The following PKD1 variants were observed in gnomAD, a reference collection of about 807,000 sequenced individuals.
The protein encoded by PKD1 is polycystin 1, transient receptor potential channel interacting.
Under a neutral mutation model 361.7 loss-of-function variants are expected in PKD1, and 81 were observed. The ratio of observed to expected loss-of-function variants is 0.22; its 90% CI spans 0.19 to 0.27. The LOEUF (loss-of-function observed/expected upper bound fraction) is 0.27, where lower values mean the gene tolerates loss of function less well. Among genes scored for constraint, PKD1 ranks in the 10% least tolerant of loss-of-function variants. PKD1 has a pLI of 1.00. For missense variants in PKD1, 6,399 were observed against 6,118.3 expected (o/e 1.05, Z -1.53); for synonymous variants, 3,615 against 2,818.3 (o/e 1.28, Z -8.95).
chr16:2,096,243 G>A (rs1462727277), intron 34 of PKD1, among the ~76,000 whole-genome samples: 2 of 152,272 alleles, frequency 1.3e-5, no homozygotes, highest in African/African-American at 4.8e-5. Flanking sequence ...TGCAGGCCCT[G>A]TGGTGTGGCC....
In PKD1 at chr16:2,102,803, G is replaced by C; in HGVS notation, c.8948+11C>G. 1.9e-6 allele frequency: 3 copies of C among 1,609,770 alleles called. No homozygotes were observed. Among genetic ancestry groups the C allele is most frequent in the African/African-American group, 1.3e-5 (1 of 74,912 alleles). ...CTGCCCTGCCCTGCCAGGCTGGCCC[G>C]CAGAGCTCACCCCGGGGAAATGAAG... On this transcript the variant is annotated intron_variant, in intron 24 of 45. Transcript: ENST00000262304.
rs1227829829 is a variant in PKD1 at position 2,104,656 on chromosome 16, G to A, written c.8017-14C>T. The A allele has an allele frequency of 1.4e-6, 2 of 1,445,504 alleles. No homozygotes were observed. Among genetic ancestry groups the A allele is most frequent in the Non-Finnish European group, 1.9e-6 (2 of 1,052,640 alleles). The allele number at this position is 1,445,504 out of a possible 1,614,324, so 89.5% of individuals were successfully genotyped here. A position where few individuals can be genotyped will look rare whatever the true frequency, so the allele number is the denominator to read the frequency against. On this transcript the variant is annotated splice_polypyrimidine_tract_variant and intron_variant, in intron 21 of 45. Transcript: ENST00000262304. ...CCTGCTGGGCCCCTGTGTGGAGCCA[G>A]CAGTGTCCAGCCCCGCTCCTGGCCC...
chr16:2,113,500 G>A (rs1174091429), intron 11 of PKD1, among the ~76,000 whole-genome samples: 12 of 152,228 alleles, frequency 7.9e-5, no homozygotes, highest in African/African-American at 1.9e-4. Context: ...TACTACTAAT[G>A]CCTCAACCTC....
Position 2,102,599 on chromosome 16 carries a change from G to C in PKD1, c.8983C>G (p.Leu2995Val), listed in dbSNP as rs767714125. Residue 2995 changes from leucine to valine, a missense_variant, in exon 25 of 46, where the codon CTC (leucine) becomes GTC (valine). Transcript: ENST00000262304. ...RDPAGSYHLN[L>V]SSHFRWSALQ... The stretch of plus-strand genomic sequence containing the variant: ...GCCGACCAGCGGAAGTGGCTGGAGA[G>C]GTTCAGATGGTAACTCCCCGCTGGG... 5 of 1,611,230 alleles carry C rather than the reference G, an allele frequency of 3.1e-6. No homozygotes were observed. Among genetic ancestry groups the C allele is most frequent in the Middle Eastern group, 2.0e-4 (1 of 4,940 alleles).
chr16:2,094,652 TATGA>T (rs1486348360), intron 34 of PKD1: 1 of 241,652 alleles, frequency 4.1e-6, no homozygotes, highest in African/African-American at 2.3e-5. Context: ...CAAGGAAACA[TATGA>T]ATGCCTTTCA....
chr16:2,110,957 C>T lies in PKD1; in HGVS notation c.4210G>A (p.Ala1404Thr), dbSNP rs762710953. 12 of 1,610,628 alleles carry T rather than the reference C, an allele frequency of 7.5e-6. No individual in the cohort carries two copies. Among genetic ancestry groups the T allele is most frequent in the East Asian group, 2.2e-5 (1 of 44,898 alleles). Residue 1404 changes from alanine to threonine, a missense_variant, in exon 15 of 46, where the codon GCC (alanine) becomes ACC (threonine). Ala to Thr is a moderately conservative substitution (Grantham distance 58, BLOSUM62 0). Coordinates refer to ENST00000262304, the MANE Select transcript of PKD1 (RefSeq NM_001009944.3). Reference sequence around the variant, plus strand: ...TAGCGGTAGGGGAACGGGGGCCAGGCACATGCCACCAGCCAGGCCTCGTCC... The same window carrying T: ...TAGCGGTAGGGGAACGGGGGCCAGGTACATGCCACCAGCCAGGCCTCGTCC... ...LGDEAWLVAC[A>T]WPPFPYRYTW...
Position 2,117,885 on chromosome 16 carries a change from A to C in PKD1, c.1107T>G (p.Ser369Arg). Residue 369 changes from serine to arginine, a missense_variant, in exon 5 of 46, where the codon AGT becomes AGG. Coordinates refer to ENST00000262304, the MANE Select transcript of PKD1 (RefSeq NM_001009944.3). The stretch of plus-strand genomic sequence containing the variant: ...GGATGCTGAGGTCGAGGCTCTCGTC[A>C]CTCTGCACCGAGGACGGGCACACGA... ...LELVCPSSVQ[S>R]DESLDLSIQN... 8.5e-7 allele frequency: 1 copy of C among 1,179,514 alleles called. No homozygotes were observed. Among genetic ancestry groups the C allele is most frequent in the Non-Finnish European group, 1.2e-6 (1 of 822,980 alleles). The allele number at this position is 1,179,514 out of a possible 1,614,324, so 73.1% of individuals were successfully genotyped here.
At chr16:2,093,313 G>C (rs2091686472) in intron 37 of PKD1, 1 of 672,806 alleles carries the variant, frequency 1.5e-6, no homozygotes, top group African/African-American at 1.8e-5. Flanking sequence ...TGGTGCTTAG[G>C]GGCCTTCAGG....
intron 1 of PKD1, among the ~76,000 whole-genome samples, chr16:2,124,201 C>T (rs929866351): frequency 2.0e-5 from 3 of 152,222 alleles, no homozygotes; most frequent in Non-Finnish European, 2.9e-5. Context: ...GGTGGGGCCA[C>T]GTCCCAGGGC....
Position 2,097,155 on chromosome 16 carries a change from T to C in PKD1, c.10492A>G (p.Ser3498Gly). The change falls in exon 34 of 46, where the codon AGC becomes GGC. Residue 3498 changes from serine (S) to glycine (G), a missense_variant. Coordinates refer to ENST00000262304, the MANE Select transcript of PKD1 (RefSeq NM_001009944.3). ...CGAGAGCCGGACACTCACAGGCTGC[T>C]GAGCAGGTCCGTTTCCATGTGGGTG... ...QDTHMETDLL[S>G]SLSSTPGEKT... 6.5e-7 allele frequency: 1 copy of C among 1,542,612 alleles called. No individual in the cohort carries two copies. Among genetic ancestry groups the C allele is most frequent in the Non-Finnish European group, 8.8e-7 (1 of 1,142,234 alleles).
rs766731155 is a variant in PKD1, at chr16:2,089,970, G to A, written c.12669C>T (p.Leu4223=). ...CCTGGTTGAGTCGGTCAAACTGGGT[G>A]AGCAGGGCCTCGAACACGGCTTGGA... ...SRLQAVFEAL[L]TQFDRLNQAT... is the part of the protein sequence containing the mutation. Residue 4223 remains leucine, a synonymous_variant, in exon 46 of 46, where the codon CTC becomes CTT. Transcript: ENST00000262304. 6.2e-7 allele frequency: 1 copy of A among 1,612,146 alleles called. No individual in the cohort carries two copies. The highest frequency in any genetic ancestry group is 8.5e-7 in the Non-Finnish European group (1 of 1,179,722).
Position 2,088,720 on chromosome 16 carries a change from A to G in PKD1, c.*1007T>C. ...ATAGAGGCACAGATTGCAGTCAGAC[A>G]GCTCTTTTATTGACTTTGTCTGCTT... On this transcript the variant is annotated 3_prime_UTR_variant, in exon 46 of 46. Coordinates refer to ENST00000262304, the MANE Select transcript of PKD1 (RefSeq NM_001009944.3). The G allele has an allele frequency of 7.1e-7, 1 of 1,416,072 alleles. No homozygotes were observed. The highest frequency in any genetic ancestry group is 9.5e-7 in the Non-Finnish European group (1 of 1,049,456). The allele number at this position is 1,416,072 out of a possible 1,614,324, so 87.7% of individuals were successfully genotyped here.
intron 16 of PKD1, chr16:2,107,682 G>A (rs1027361138): frequency 2.0e-5 from 13 of 644,496 alleles, no homozygotes; most frequent in Middle Eastern, 4.1e-4. Flanking sequence ...GAGCATATGT[G>A]GCTTGAAGAC....
Position 2,091,012 on chromosome 16 carries a change from C to T in PKD1, c.11875G>A (p.Ala3959Thr). ...ACGAAACGGGTCCACTGGCGGTCAG[C>T]GGCACCCAGCTGGGCGAGGCGTACC... ...ALVRLAQLGAADRQWTRFVRG... is the reference protein window; with the variant it reads ...ALVRLAQLGATDRQWTRFVRG... Residue 3959 changes from alanine (A) to threonine (T), a missense_variant, in exon 43 of 46, where the codon GCT becomes ACT. Coordinates refer to ENST00000262304, the MANE Select transcript of PKD1 (RefSeq NM_001009944.3). 5 of 1,533,414 alleles carry T rather than the reference C, an allele frequency of 3.3e-6. No individual in the cohort carries two copies. Among genetic ancestry groups the T allele is most frequent in the Non-Finnish European group, 4.4e-6 (5 of 1,145,570 alleles). The allele number at this position is 1,533,414 out of a possible 1,614,324, so 95.0% of individuals were successfully genotyped here.
chr16:2,113,957 A>G (rs1401490708), intron 11 of PKD1: 3 of 600,208 alleles, frequency 5.0e-6, no homozygotes, highest in Non-Finnish European at 8.9e-6. Flanking sequence ...CAGTGGAATG[A>G]GTTAGCGGAG....
intron 26 of PKD1, 58 bp downstream of exon 26, chr16:2,102,003 G>A: frequency 4.5e-6 from 5 of 1,110,478 alleles, no homozygotes; most frequent in Non-Finnish European, 6.7e-6. Flanking sequence ...CCCAGAGGGT[G>A]CAACCAGCAC....
At chr16:2,113,014 C>T in intron 12 of PKD1, 51 bp from the exon 13 acceptor site, 1 of 1,540,778 alleles carries the variant, frequency 6.5e-7, no homozygotes, top group Non-Finnish European at 8.9e-7. Context: ...AGGCCTGGCC[C>T]TGATTGGCGT....
At chr16:2,129,778 T>A (rs1408211325) in intron 1 of PKD1, among the ~76,000 whole-genome samples, 2 of 151,682 alleles carry the variant, frequency 1.3e-5, no homozygotes, top group Non-Finnish European at 2.9e-5. Context: ...GTCAAACTCC[T>A]GGGCTCAAGC....
In PKD1 at chr16:2,110,392, G is replaced by A. The variant is rs1275860715; in HGVS notation, c.4775C>T (p.Pro1592Leu). ...WVLCDRCTPI[P>L]GGPTISYTFR... ...GGTGTAAGAGATGGTAGGACCCCCA[G>A]GGATGGGCGTGCAGCGGTCACAGAG... The change falls in exon 15 of 46, where the codon CCT becomes CTT. Residue 1592 changes from proline (P) to leucine (L), a missense_variant. Physicochemically the swap from Pro to Leu is moderately conservative, Grantham distance 98. Transcript: ENST00000262304. 1.2e-6 allele frequency: 2 copies of A among 1,612,520 alleles called. No individual in the cohort carries two copies. The highest frequency in any genetic ancestry group is 1.3e-5 in the African/African-American group (1 of 74,926).
Sources: allele counts gnomAD v4.1 joint callset (sites outside exome capture counted in the v4.1 genomes callset), GRCh38; gene constraint gnomAD v4.1.1; transcripts MANE v1.5; gene names NCBI Gene and HGNC (gene_info 2026-07-23, HGNC 2026-07-21).